The following STK33 variants were observed in gnomAD, a reference collection of about 807,000 sequenced individuals.
The protein encoded by STK33 is serine/threonine kinase 33.
In STK33, 52 loss-of-function variants were observed where a neutral mutation model predicts 58.0. The observed-to-expected ratio is 0.90, with a 90% confidence interval of 0.72 to 1.13. The LOEUF (loss-of-function observed/expected upper bound fraction) is 1.13, where lower values mean the gene tolerates loss of function less well. Among genes scored for constraint, STK33 ranks in the 50% most tolerant of loss-of-function variants. The pLI is 0.00. For missense variants in STK33, 630 were observed against 604.2 expected, an observed-to-expected ratio of 1.04 and a Z score of -0.45; for synonymous variants, 215 against 200.1, an observed-to-expected ratio of 1.07 and a Z score of -0.63.
chr11:8,587,262 A>G (rs962355920), intron 1 of STK33, among the ~76,000 whole-genome samples: 5 of 152,174 alleles, frequency 3.3e-5, no homozygotes, highest in African/African-American at 9.7e-5. Context: ...ACATTTTTCA[A>G]TGGGATGGGA....
chr11:8,486,280 G>C (rs1160925896), intron 1 of STK33, among the ~76,000 whole-genome samples: 1 of 152,082 alleles, frequency 6.6e-6, no homozygotes, highest in Non-Finnish European at 1.5e-5. Flanking sequence ...TGTGTGATAT[G>C]GTCTCAGCTT....
intron 1 of STK33, among the ~76,000 whole-genome samples, chr11:8,545,399 T>C (rs568906029): frequency 4.6e-5 from 7 of 152,334 alleles, no homozygotes; most frequent in Admixed American, 3.9e-4. Context: ...TGAATCAGTG[T>C]CACTAAATTG....
At chr11:8,462,402 CAT>C (rs71059165) in intron 7 of STK33, among the ~76,000 whole-genome samples, 9 of 145,510 alleles carry the variant, frequency 6.2e-5, no homozygotes, top group African/African-American at 1.8e-4. Context: ...TATATATATA[CAT>C]ATATATACAC....
intron 1 of STK33, among the ~76,000 whole-genome samples, chr11:8,524,338 T>A (rs1282506379): frequency 6.6e-6 from 1 of 151,054 alleles, no homozygotes; most frequent in East Asian, 1.9e-4. Flanking sequence ...AATAAATAAA[T>A]AAAAAACGGG....
At chr11:8,522,424 TGA>T (rs1953548640) in intron 1 of STK33, among the ~76,000 whole-genome samples, 2 of 148,284 alleles carry the variant, frequency 1.3e-5, no homozygotes, top group South Asian at 4.3e-4. Flanking sequence ...AACTGAACAA[TGA>T]GAACAGTTGG....
intron 11 of STK33, among the ~76,000 whole-genome samples, chr11:8,444,990 A>C (rs1411477987): frequency 6.6e-6 from 1 of 152,082 alleles, no homozygotes; most frequent in Non-Finnish European, 1.5e-5. Context: ...CACTATGGCG[A>C]TTTTCATGAT....
chr11:8,494,434 G>A (rs552190909), intron 1 of STK33, among the ~76,000 whole-genome samples: 198 of 152,266 alleles, frequency 1.3e-3, no homozygotes, highest in African/African-American at 4.5e-3. Flanking sequence ...ACTGCTCAAC[G>A]AAATAAAGGA....
chr11:8,579,409 G>C (rs1007178127), intron 1 of STK33, among the ~76,000 whole-genome samples: 4 of 151,788 alleles, frequency 2.6e-5, no homozygotes, highest in African/African-American at 9.7e-5. Flanking sequence ...TCAATTCCTA[G>C]AATAAGAATC....
intron 1 of STK33, among the ~76,000 whole-genome samples, chr11:8,553,172 A>ATATATATATATATATATATATATGGTG (rs1565346765): frequency 8.2e-4 from 37 of 45,160 alleles, no homozygotes; most frequent in African/African-American, 1.3e-3. Flanking sequence ...AATAAAATAT[A>ATATATATATATATATATATATATGGTG]TATATATATA....
At chr11:8,497,035 T>C (rs1197160024) in intron 1 of STK33, among the ~76,000 whole-genome samples, 1 of 152,208 alleles carries the variant, frequency 6.6e-6, no homozygotes, top group Non-Finnish European at 1.5e-5. Context: ...TTGTATATTA[T>C]TGATACTCAT....
the STK33 span, among the ~76,000 whole-genome samples, chr11:8,362,799 C>T: frequency 6.6e-6 from 1 of 152,036 alleles, no homozygotes; most frequent in Non-Finnish European, 1.5e-5. Context: ...TCCTTTTTTT[C>T]CCATCCATTT....
At chr11:8,507,852 T>C (rs942307656) in intron 1 of STK33, among the ~76,000 whole-genome samples, 2 of 152,238 alleles carry the variant, frequency 1.3e-5, no homozygotes, top group Non-Finnish European at 2.9e-5. Flanking sequence ...TGATCTACAA[T>C]AACAAATACC....
chr11:8,550,066 C>T (rs578221965), intron 1 of STK33, among the ~76,000 whole-genome samples: 110 of 152,266 alleles, frequency 7.2e-4, no homozygotes, highest in African/African-American at 2.6e-3. Context: ...CAAATCATGG[C>T]TCTCAGTGAT....
intron 1 of STK33, among the ~76,000 whole-genome samples, chr11:8,499,482 A>G (rs181886474): frequency 6.6e-6 from 1 of 152,336 alleles, no homozygotes; most frequent in Admixed American, 6.5e-5. Context: ...GGGACTGTAA[A>G]TTAGTTCAAC....
At chr11:8,529,476 A>G (rs1954336733) in intron 1 of STK33, among the ~76,000 whole-genome samples, 1 of 152,158 alleles carries the variant, frequency 6.6e-6, no homozygotes, top group Non-Finnish European at 1.5e-5. Context: ...TGAGAGATTT[A>G]TGGGCCCCTC....
intron 7 of STK33, among the ~76,000 whole-genome samples, chr11:8,462,849 TG>T (rs1947733844): frequency 6.6e-6 from 1 of 152,260 alleles, no homozygotes; most frequent in South Asian, 2.1e-4. Flanking sequence ...TCACCCCTAT[TG>T]ATCTTGAAAT....
chr11:8,503,726 C>G (rs776279937), intron 1 of STK33, among the ~76,000 whole-genome samples: 34 of 152,186 alleles, frequency 2.2e-4, no homozygotes, highest in Non-Finnish European at 3.7e-4. Flanking sequence ...ATTCACTACT[C>G]TTTCTTCCTT....
intron 14 of STK33, among the ~76,000 whole-genome samples, chr11:8,415,259 A>G (rs1050018546): frequency 1.3e-5 from 2 of 152,118 alleles, no homozygotes; most frequent in African/African-American, 2.4e-5. Flanking sequence ...CTCCTCCCTG[A>G]CAAGCCCTCT....
At chr11:8,362,930 CTTTT>C in the STK33 span, among the ~76,000 whole-genome samples, 1 of 151,894 alleles carries the variant, frequency 6.6e-6, no homozygotes, top group African/African-American at 2.4e-5. Flanking sequence ...CCCTCCTTTC[CTTTT>C]TTCCTTCCTT....
Sources: allele counts gnomAD v4.1 joint callset (sites outside exome capture counted in the v4.1 genomes callset), GRCh38; gene constraint gnomAD v4.1.1; transcripts MANE v1.5; gene names NCBI Gene and HGNC (gene_info 2026-07-23, HGNC 2026-07-21).